Variants in RNF144A observed in about 807,000 individuals in gnomAD.
RNF144A encodes the protein E3 ubiquitin-protein ligase RNF144A.
Under a neutral mutation model 38.7 loss-of-function variants are expected in RNF144A, and 11 were observed. The observed-to-expected ratio is 0.28, with a 90% confidence interval of 0.18 to 0.47. The LOEUF is 0.47. RNF144A is among the 20% of genes least tolerant of loss of function. RNF144A has a pLI of 0.99. For synonymous variants in RNF144A, 149 were observed against 143.9 expected (o/e 1.04, Z -0.25); for missense variants, 316 against 377.2 (o/e 0.84, Z 1.34).
intron 2 of RNF144A, among the ~76,000 whole-genome samples, chr2:6,953,101 C>T (rs772029628): frequency 6.6e-6 from 1 of 152,138 alleles, no homozygotes; most frequent in East Asian, 1.9e-4. Flanking sequence ...TTTTAGCCCT[C>T]TTTTTAAAAT....
chr2:7,008,284 G>A (rs1019845962), intron 3 of RNF144A, among the ~76,000 whole-genome samples: 5 of 152,344 alleles, frequency 3.3e-5, no homozygotes, highest in South Asian at 4.1e-4. Flanking sequence ...AGGCCTCCTC[G>A]GGAACGTCCA....
At chr2:7,003,019 T>C (rs765627664) in intron 3 of RNF144A, among the ~76,000 whole-genome samples, 3 of 151,884 alleles carry the variant, frequency 2.0e-5, no homozygotes, top group Non-Finnish European at 4.4e-5. Flanking sequence ...AATTTACAAA[T>C]AGAGTAAAGC....
intron 6 of RNF144A, among the ~76,000 whole-genome samples, chr2:7,057,413 G>GTGTAGCA (rs1673783123): frequency 6.6e-6 from 1 of 152,150 alleles, no homozygotes; most frequent in Admixed American, 6.5e-5. Flanking sequence ...AGGAAATTGG[G>GTGTAGCA]GAGTCCCTTG....
At chr2:6,973,921 C>G (rs542335775) in intron 2 of RNF144A, among the ~76,000 whole-genome samples, 1 of 152,340 alleles carries the variant, frequency 6.6e-6, no homozygotes, top group Admixed American at 6.5e-5. Context: ...TATTTTCCAT[C>G]TTGCTCTTAG....
chr2:6,981,712 C>T (rs935619875), intron 2 of RNF144A, among the ~76,000 whole-genome samples: 2 of 152,186 alleles, frequency 1.3e-5, no homozygotes, highest in African/African-American at 2.4e-5. Flanking sequence ...TTACTCTGAG[C>T]CCTCCAATCT....
At chr2:7,064,914 G>T (rs1674138933) in intron 6 of RNF144A, among the ~76,000 whole-genome samples, 1 of 152,202 alleles carries the variant, frequency 6.6e-6, no homozygotes, top group Admixed American at 6.5e-5. Context: ...CAAGTCACTT[G>T]CATCAGATTA....
chr2:6,983,941 T>C (rs1390290110), intron 2 of RNF144A, among the ~76,000 whole-genome samples: 1 of 152,228 alleles, frequency 6.6e-6, no homozygotes, highest in Non-Finnish European at 1.5e-5. Context: ...AGCTTCTTTT[T>C]CAAAGTATAT....
At chr2:7,072,739 G>A (rs1041375241), downstream of RNF144A, among the ~76,000 whole-genome samples, 9 of 152,194 alleles carry the variant, frequency 5.9e-5, no homozygotes, top group Non-Finnish European at 1.2e-4. Context: ...GCAAACAATA[G>A]ATATTTGTGG....
Position 6,955,131 on chromosome 2 carries a change from T to C in RNF144A, c.-12+13984T>C, listed in dbSNP as rs79263341. 1.9e-3 allele frequency among the ~76,000 whole-genome samples: 290 copies of C among 152,298 alleles called. 3 individuals carry two copies. Among genetic ancestry groups the C allele is most frequent in the African/African-American group, 6.6e-3 (275 of 41,556 alleles). ...TAAGAAACGTTTTTTCTTTTGATTG[T>C]TTTACTCTAAGGCAACACTGTTGTG... On this transcript the variant is annotated intron_variant, in intron 2 of 8. Coordinates refer to ENST00000320892, the MANE Select transcript of RNF144A (RefSeq NM_014746.6).
intron 2 of RNF144A, among the ~76,000 whole-genome samples, chr2:6,974,939 T>C (rs1668218541): frequency 6.6e-6 from 1 of 152,210 alleles, no homozygotes. Context: ...ATAGAATGAG[T>C]AGGCATGATT....
chr2:7,006,185 C>CG (rs1396803101), intron 3 of RNF144A, among the ~76,000 whole-genome samples: 2 of 151,898 alleles, frequency 1.3e-5, no homozygotes, highest in East Asian at 3.9e-4. Context: ...CTGGAGTTGT[C>CG]GGAGTTCCTG....
In RNF144A at chr2:7,015,310, A is replaced by G. The variant is rs566801404; in HGVS notation, c.301+538A>G. ...CCTTATCCCAGTAAGTGTCACAACAACTCTGCAAAGCTAATTTGTCATTAT... is the reference window on the plus strand; with the variant it reads ...CCTTATCCCAGTAAGTGTCACAACAGCTCTGCAAAGCTAATTTGTCATTAT... On this transcript the variant is annotated intron_variant, in intron 5 of 8. Coordinates refer to ENST00000320892, the MANE Select transcript of RNF144A (RefSeq NM_014746.6). Among the ~76,000 whole-genome samples the G allele has an allele frequency of 3.2e-4, 48 of 152,282 alleles. 1 individual carries two copies. The highest frequency in any genetic ancestry group is 9.1e-4 in the Admixed American group (14 of 15,302).
chr2:6,960,570 C>T (rs183372357), intron 2 of RNF144A, among the ~76,000 whole-genome samples: 15 of 152,264 alleles, frequency 9.9e-5, no homozygotes, highest in East Asian at 1.9e-4. Context: ...AAATTAATCA[C>T]GACTCGGAAG....
chr2:7,019,415 G>A (rs534307314), intron 5 of RNF144A, among the ~76,000 whole-genome samples: 6 of 152,338 alleles, frequency 3.9e-5, no homozygotes, highest in Middle Eastern at 3.4e-3. Flanking sequence ...ACAGGCGAGC[G>A]GGAGCTGCCC....
In RNF144A at chr2:6,944,816, G is replaced by A. The variant is rs1318494718; in HGVS notation, c.-12+3669G>A. Among the ~76,000 whole-genome samples, 1 of 152,126 alleles carries A rather than the reference G, an allele frequency of 6.6e-6. No individual in the cohort carries two copies. Among genetic ancestry groups the A allele is most frequent in the East Asian group, 1.9e-4 (1 of 5,188 alleles). The stretch of plus-strand genomic sequence containing the variant: ...AAACAAATTCCAAGAACTGTGAAAT[G>A]GCTTCATATTCACAAAAGAGTCATG... On this transcript the variant is annotated intron_variant, in intron 2 of 8. Transcript: ENST00000320892. This position sits in a 1 kb window ranked among gnomAD's most constrained non-coding sequence, Gnocchi z 4.7.
At chr2:6,924,587 A>G (rs1401596060) in intron 1 of RNF144A, among the ~76,000 whole-genome samples, 1 of 152,186 alleles carries the variant, frequency 6.6e-6, no homozygotes, top group African/African-American at 2.4e-5. Context: ...CTGAGGAGAC[A>G]GGGCTGTTGG....
chr2:6,996,942 T>C lies in RNF144A; in HGVS notation c.16T>C (p.Tyr6His). MTTTR[Y>H]RPTWDLALDP... ...CTGTTCTGCGATGACCACAACAAGG[T>C]ACCGGCCCACCTGGGACCTGGCCCT... The change falls in exon 3 of 9, where the codon TAC becomes CAC. Residue 6 changes from tyrosine to histidine, a missense_variant. By Grantham distance (83) the Tyr-to-His change is moderately conservative (BLOSUM62 2). Transcript: ENST00000320892. The C allele has an allele frequency of 5.6e-6, 9 of 1,613,794 alleles. No individual in the cohort carries two copies. The highest frequency in any genetic ancestry group is 1.1e-5 in the South Asian group (1 of 91,056).
intron 2 of RNF144A, among the ~76,000 whole-genome samples, chr2:6,995,151 T>C (rs1346378265): frequency 6.6e-6 from 1 of 152,046 alleles, no homozygotes; most frequent in Admixed American, 6.5e-5. Flanking sequence ...AACTAAATAT[T>C]AGCGCAGTGA....
intron 6 of RNF144A, among the ~76,000 whole-genome samples, chr2:7,062,035 C>G (rs1030630452): frequency 1.7e-4 from 26 of 152,152 alleles, no homozygotes; most frequent in Admixed American, 8.5e-4. Flanking sequence ...GTGACCTGGG[C>G]AGTTCTAATC....
Sources: allele counts gnomAD v4.1 joint callset (sites outside exome capture counted in the v4.1 genomes callset), GRCh38; gene constraint gnomAD v4.1.1; non-coding constraint Gnocchi (gnomAD v3.1); transcripts MANE v1.5; gene names NCBI Gene and HGNC (gene_info 2026-07-23, HGNC 2026-07-21).